RAB23: variants seen among roughly 807,000 people sequenced by gnomAD.
The protein encoded by RAB23 is RAB23, member RAS oncogene family.
Under a neutral mutation model 30.0 loss-of-function variants are expected in RAB23, and 15 were observed. The observed-to-expected ratio is 0.50, with a 90% confidence interval of 0.33 to 0.77. The LOEUF is 0.77. Among genes scored for constraint, RAB23 ranks in the 30% least tolerant of loss-of-function variants. RAB23 has a pLI of 0.02. For synonymous variants in RAB23, 93 were observed against 94.0 expected, an observed-to-expected ratio of 0.99 and a Z score of 0.06; for missense variants, 243 against 275.4, an observed-to-expected ratio of 0.88 and a Z score of 0.83.
rs1388653996 is a variant in RAB23 at position 57,190,567 on chromosome 6, C to T, written c.608G>A (p.Gly203Asp). The change falls in exon 7 of 7, where the codon GGT (glycine) becomes GAT (aspartate). Residue 203 changes from glycine (G) to aspartate (D), a missense_variant. By Grantham distance (94) the Gly-to-Asp change is moderately conservative. Coordinates refer to ENST00000468148, the MANE Select transcript of RAB23 (RefSeq NM_016277.5). Reference protein sequence around the residue: ...VFNTSGGSHSGQNSGTLNGGD... With the variant: ...VFNTSGGSHSDQNSGTLNGGD... ...ACCATTGAGGGTACCTGAATTCTGA[C>T]CGGAGTGACTTCCACCAGATGTATT... 2 of 1,613,938 alleles carry T rather than the reference C, an allele frequency of 1.2e-6. No homozygotes were observed. The highest frequency in any genetic ancestry group is 2.7e-5 in the African/African-American group (2 of 75,030).
intron 3 of RAB23, among the ~76,000 whole-genome samples, chr6:57,199,870 G>A (rs1300839518): frequency 1.3e-5 from 2 of 152,146 alleles, no homozygotes; most frequent in African/African-American, 4.8e-5. Context: ...ACAACCACTT[G>A]TTTCCATTTC....
chr6:57,220,446 C>T (rs1236537448), intron 1 of RAB23, among the ~76,000 whole-genome samples: 1 of 152,346 alleles, frequency 6.6e-6, no homozygotes, highest in East Asian at 1.9e-4. Context: ...AAAACCTGTA[C>T]ATGGTATTTA....
intron 4 of RAB23, among the ~76,000 whole-genome samples, chr6:57,196,076 A>AACATAGG (rs1295823790): frequency 4.6e-5 from 7 of 152,178 alleles, no homozygotes; most frequent in Non-Finnish European, 7.4e-5. Context: ...AAAATTCATC[A>AACATAGG]ACATAGGATA....
At chr6:57,213,599 C>G (rs1234993192) in intron 1 of RAB23, among the ~76,000 whole-genome samples, 1 of 152,156 alleles carries the variant, frequency 6.6e-6, no homozygotes, top group South Asian at 2.1e-4. Context: ...ACTTTTGCTT[C>G]TGAAATGATA....
In RAB23 at chr6:57,187,714, C is replaced by G. The variant is rs1012113926; in HGVS notation, c.*2747G>C. 1 of 152,134 alleles carries G rather than the reference C, an allele frequency of 6.6e-6. No individual in the cohort carries two copies. Among genetic ancestry groups the G allele is most frequent in the African/African-American group, 2.4e-5 (1 of 41,424 alleles). 9.4% of individuals were successfully genotyped at this position (152,134 alleles called of 1,614,324 possible). On this transcript the variant is annotated 3_prime_UTR_variant, in exon 7 of 7. Transcript: ENST00000468148. ...AAGGTCTTCAGAAAAGGTCCAGTTT[C>G]CTAAAACTCACAGGTCCAAGGAGTA...
In RAB23 at chr6:57,196,603, G is replaced by T; in HGVS notation, c.245C>A (p.Ala82Asp). Residue 82 changes from alanine (A) to aspartate (D), a missense_variant, in exon 4 of 7, where the codon GCC becomes GAC. Transcript: ENST00000468148. The stretch of plus-strand genomic sequence containing the variant: ...AGAGAACACGAGCACACAAGCCTGG[G>T]CTCCTGTAAGTTCACAATCAATCAA... Reference protein sequence around the residue: ...DAITKAYYRGAQACVLVFSTT... With the variant: ...DAITKAYYRGDQACVLVFSTT... 6.2e-7 allele frequency: 1 copy of T among 1,613,456 alleles called. No individual in the cohort carries two copies. The highest frequency in any genetic ancestry group is 8.5e-7 in the Non-Finnish European group (1 of 1,179,714).
Position 57,207,663 on chromosome 6 carries a change from T to C in RAB23, c.206A>G (p.Glu69Gly), listed in dbSNP as rs756294176. Reference sequence around the variant, plus strand: ...GGCCTTTGTAATTGCATCAAATTCCTCCTGACCTGCAGTGTCCCATAACAT... The same window carrying C: ...GGCCTTTGTAATTGCATCAAATTCCCCCTGACCTGCAGTGTCCCATAACAT... Reference protein sequence around the residue: ...RLMLWDTAGQEEFDAITKAYY... With the variant: ...RLMLWDTAGQGEFDAITKAYY... Residue 69 changes from glutamate to glycine, a missense_variant, in exon 3 of 7, where the codon GAG (glutamate) becomes GGG (glycine). Coordinates refer to ENST00000468148, the MANE Select transcript of RAB23 (RefSeq NM_016277.5). 1 of 1,605,768 alleles carries C rather than the reference T, an allele frequency of 6.2e-7. No homozygotes were observed. The highest frequency in any genetic ancestry group is 8.5e-7 in the Non-Finnish European group (1 of 1,172,646).
intron 3 of RAB23, among the ~76,000 whole-genome samples, chr6:57,201,888 C>G (rs866583894): frequency 6.6e-6 from 1 of 152,314 alleles, no homozygotes; most frequent in South Asian, 2.1e-4. Context: ...AGAGAAATCA[C>G]TTGGGATCCC....
At chr6:57,209,846 G>A (rs1765584249) in intron 2 of RAB23, among the ~76,000 whole-genome samples, 2 of 152,048 alleles carry the variant, frequency 1.3e-5, no homozygotes, top group African/African-American at 2.4e-5. Context: ...GTTTCAAAAA[G>A]AGAACAGACA....
chr6:57,190,739 G>T, intron 6 of RAB23, 139 bp from the exon 7 acceptor site: 2 of 1,127,214 alleles, frequency 1.8e-6, no homozygotes, highest in Non-Finnish European at 2.6e-6. Context: ...ACAAAATTTA[G>T]CATCTTAACC....
chr6:57,217,500 G>A (rs1765894927), intron 1 of RAB23, among the ~76,000 whole-genome samples: 1 of 152,078 alleles, frequency 6.6e-6, no homozygotes, highest in Non-Finnish European at 1.5e-5. Flanking sequence ...GTAGAGACAG[G>A]ACTTCACCAT....
In RAB23 at chr6:57,210,231, T is replaced by G; in HGVS notation, c.150A>C (p.Gln50His). 1 of 1,613,928 alleles carries G rather than the reference T, an allele frequency of 6.2e-7. No individual in the cohort carries two copies. Among genetic ancestry groups the G allele is most frequent in the South Asian group, 1.1e-5 (1 of 91,078 alleles). The change falls in exon 2 of 7, where the codon CAA (glutamine) becomes CAC (histidine). Residue 50 changes from glutamine (Q) to histidine (H), a missense_variant. Transcript: ENST00000468148. ...KTIGVDFLER[Q>H]IQVNDEDVRL... is the part of the protein sequence containing the mutation. ...TAAAATGGCCAAGTACTTACTGAAT[T>G]TGTCGCTCCAAAAAATCAACTCCAA... is the stretch of plus-strand genomic sequence containing the variant.
In RAB23 at chr6:57,188,530, C is replaced by CAA. The variant is rs1764700856; in HGVS notation, c.*1929_*1930dup. ...CAAGTGATTTTTCTGCCAATAAAGA[C>CAA]AAAAGACTATTTGTTGCAAAGTATT... On this transcript the variant is annotated 3_prime_UTR_variant, in exon 7 of 7. Coordinates refer to ENST00000468148, the MANE Select transcript of RAB23 (RefSeq NM_016277.5). 6.6e-6 allele frequency: 1 copy of CAA among 151,938 alleles called. No homozygotes were observed. The highest frequency in any genetic ancestry group is 6.6e-5 in the Admixed American group (1 of 15,264). The allele number at this position is 151,938 out of a possible 1,614,324, so 9.4% of individuals were successfully genotyped here.
At position 57,221,890 on chromosome 6, in the gene RAB23, C is replaced by T. The variant is rs1404472730; in HGVS notation, c.-230G>A. 2.6e-5 allele frequency: 4 copies of T among 152,466 alleles called. No individual in the cohort carries two copies. The East Asian group carries it at 7.7e-4, about 29-fold the overall frequency. The allele number at this position is 152,466 out of a possible 1,614,324, so 9.4% of individuals were successfully genotyped here. On this transcript the variant is annotated 5_prime_UTR_variant, in exon 1 of 7. Coordinates refer to ENST00000468148, the MANE Select transcript of RAB23 (RefSeq NM_016277.5). Reference sequence around the variant, plus strand: ...CCTGCCCTCGATACCCCTGCCCACTCCGGAGAGTAAGGCACAACCCGGGAC... The same window carrying T: ...CCTGCCCTCGATACCCCTGCCCACTTCGGAGAGTAAGGCACAACCCGGGAC...
At chr6:57,202,014 T>C (rs181693693) in intron 3 of RAB23, among the ~76,000 whole-genome samples, 23 of 152,342 alleles carry the variant, frequency 1.5e-4, no homozygotes, top group South Asian at 2.1e-4. Context: ...CTTTGAGCAA[T>C]GGCTTTGATA....
intron 1 of RAB23, among the ~76,000 whole-genome samples, chr6:57,218,756 G>A (rs1765941497): frequency 6.6e-6 from 1 of 151,728 alleles, no homozygotes; most frequent in Admixed American, 6.6e-5. Flanking sequence ...GGAGACAGAG[G>A]CACAAGAATT....
chr6:57,199,237 G>A (rs1765143833), intron 3 of RAB23, among the ~76,000 whole-genome samples: 1 of 152,194 alleles, frequency 6.6e-6, no homozygotes, highest in South Asian at 2.1e-4. Flanking sequence ...CAAGGGGGAA[G>A]TGATGCCTCT....
At chr6:57,202,884 G>A (rs1765316842) in intron 3 of RAB23, among the ~76,000 whole-genome samples, 2 of 150,490 alleles carry the variant, frequency 1.3e-5, no homozygotes, top group Non-Finnish European at 3.0e-5. Context: ...TGTGATAAAT[G>A]TTTACTTTTA....
rs561724292 is a variant in RAB23, at chr6:57,193,546, T to A, written c.574+296A>T. ...AAGAAAGGGAAAAGGTAAGAGCCAGTGTAAGTACAGATTCAGAAGAATAAC... is the reference window on the plus strand; with the variant it reads ...AAGAAAGGGAAAAGGTAAGAGCCAGAGTAAGTACAGATTCAGAAGAATAAC... On this transcript the variant is annotated intron_variant, in intron 6 of 6. Coordinates refer to ENST00000468148, the MANE Select transcript of RAB23 (RefSeq NM_016277.5). Among the ~76,000 whole-genome samples, 3 of 152,298 alleles carry A rather than the reference T, an allele frequency of 2.0e-5. No homozygotes were observed. The South Asian group carries it at 6.2e-4, about 32-fold the overall frequency.
Sources: allele counts gnomAD v4.1 joint callset (sites outside exome capture counted in the v4.1 genomes callset), GRCh38; gene constraint gnomAD v4.1.1; transcripts MANE v1.5; gene names NCBI Gene and HGNC (gene_info 2026-07-23, HGNC 2026-07-21).